Variants in EYS observed in about 807,000 individuals in gnomAD.
The protein encoded by EYS is protein eyes shut homolog.
Under a neutral mutation model 282.1 loss-of-function variants are expected in EYS, and 250 were observed. The ratio of observed to expected loss-of-function variants is 0.89; its 90% confidence interval spans 0.80 to 0.98. The LOEUF (loss-of-function observed/expected upper bound fraction) is 0.98. EYS is among the 50% of genes least tolerant of loss of function. The pLI, the probability that EYS is intolerant of heterozygous loss-of-function variation, is 0.00. For missense variants in EYS, 4,016 were observed against 3,709.0 expected, an observed-to-expected ratio of 1.08 and a Z score of -2.15; for synonymous variants, 1,355 against 1,282.9, an observed-to-expected ratio of 1.06 and a Z score of -1.20.
At chr6:64,954,704 G>T (rs941650487) in intron 14 of EYS, among the ~76,000 whole-genome samples, 2 of 152,042 alleles carry the variant, frequency 1.3e-5, no homozygotes, top group African/African-American at 4.8e-5. Context: ...AGCAACTGAG[G>T]CAGAGCAAGA....
At chr6:64,921,580 C>T (rs889291979) in intron 15 of EYS, among the ~76,000 whole-genome samples, 2 of 152,184 alleles carry the variant, frequency 1.3e-5, no homozygotes, top group African/African-American at 2.4e-5. Context: ...TTAGTCAAGC[C>T]GGAGTCCAAG....
chr6:64,154,279 A>G (rs1014948462), intron 31 of EYS, among the ~76,000 whole-genome samples: 4 of 151,996 alleles, frequency 2.6e-5, no homozygotes, highest in Non-Finnish European at 4.4e-5. Context: ...TGTCTCTACT[A>G]AAAATACAAA....
At chr6:65,375,020 G>A (rs957073689) in intron 8 of EYS, among the ~76,000 whole-genome samples, 1 of 152,114 alleles carries the variant, frequency 6.6e-6, no homozygotes. Context: ...CCAGCACAGC[G>A]CTCCAGCTCT....
chr6:64,247,675 A>G (rs142705091), intron 30 of EYS, among the ~76,000 whole-genome samples: 40 of 152,296 alleles, frequency 2.6e-4, no homozygotes, highest in African/African-American at 9.4e-4. Context: ...TGCATAATGC[A>G]TTGAGGGTGA....
At chr6:65,419,289 T>C (rs890828279) in intron 5 of EYS, among the ~76,000 whole-genome samples, 4 of 151,940 alleles carry the variant, frequency 2.6e-5, no homozygotes, top group Admixed American at 6.6e-5. Flanking sequence ...AATATTAAAA[T>C]AGAAATTTTA....
chr6:64,043,450 C>A (rs1770481075), intron 33 of EYS, among the ~76,000 whole-genome samples: 1 of 152,260 alleles, frequency 6.6e-6, no homozygotes, highest in African/African-American at 2.4e-5. Context: ...AGGACCGCTA[C>A]TTGATCACTC....
At chr6:65,317,470 C>A (rs976119206) in intron 11 of EYS, among the ~76,000 whole-genome samples, 2 of 152,068 alleles carry the variant, frequency 1.3e-5, no homozygotes, top group African/African-American at 2.4e-5. Context: ...CCTATTGTTA[C>A]GGTCTGTATA....
chr6:64,858,677 A>G (rs1301900728), intron 19 of EYS, among the ~76,000 whole-genome samples: 2 of 152,150 alleles, frequency 1.3e-5, no homozygotes, highest in Non-Finnish European at 2.9e-5. Context: ...GTATGGTTCA[A>G]TGTACACAAA....
At chr6:64,292,457 G>A (rs1768748347) in intron 30 of EYS, among the ~76,000 whole-genome samples, 1 of 152,100 alleles carries the variant, frequency 6.6e-6, no homozygotes, top group Admixed American at 6.6e-5. Context: ...AGAGCTAGGG[G>A]TTAAGGGTTT....
At chr6:64,223,637 C>A (rs1031887166) in intron 31 of EYS, among the ~76,000 whole-genome samples, 2 of 152,000 alleles carry the variant, frequency 1.3e-5, no homozygotes, top group African/African-American at 4.8e-5. Context: ...TTCTGCACCT[C>A]TAAAATGTTA....
At chr6:64,097,176 C>G (rs1348205091) in intron 31 of EYS, among the ~76,000 whole-genome samples, 1 of 152,176 alleles carries the variant, frequency 6.6e-6, no homozygotes, top group African/African-American at 2.4e-5. Flanking sequence ...GCAGGTGCCT[C>G]CCAATTAGGC....
chr6:64,480,953 T>C (rs868300229), intron 26 of EYS, among the ~76,000 whole-genome samples: 25 of 151,770 alleles, frequency 1.6e-4, no homozygotes, highest in Middle Eastern at 6.8e-3. Context: ...CAGGTATTGA[T>C]TCAAATTAAA....
At chr6:65,451,918 T>C (rs1764413825) in intron 5 of EYS, among the ~76,000 whole-genome samples, 1 of 151,924 alleles carries the variant, frequency 6.6e-6, no homozygotes, top group Non-Finnish European at 1.5e-5. Flanking sequence ...GAACAATTCA[T>C]TTAAAATAAA....
intron 5 of EYS, among the ~76,000 whole-genome samples, chr6:65,469,188 T>C (rs1162882726): frequency 1.3e-5 from 2 of 152,068 alleles, no homozygotes; most frequent in East Asian, 3.9e-4. Flanking sequence ...TTTTTCTGTT[T>C]TTATTTGCCA....
intron 15 of EYS, among the ~76,000 whole-genome samples, chr6:64,933,259 G>A (rs985321639): frequency 6.6e-6 from 1 of 151,726 alleles, no homozygotes; most frequent in African/African-American, 2.4e-5. Context: ...TCCAGAGTTG[G>A]AAATTATAAA....
At chr6:65,435,964 C>T (rs1490961135) in intron 5 of EYS, among the ~76,000 whole-genome samples, 3 of 152,156 alleles carry the variant, frequency 2.0e-5, no homozygotes, top group Non-Finnish European at 4.4e-5. Context: ...TAATCTCTAA[C>T]TTCTAGTCTC....
rs565188963 is a variant in EYS, at chr6:65,268,034, C to T, written c.2023+27829G>A. ...TGTCTTATTATGCACAGGATAATTG[C>T]TAATGTAATAGGCAATTATATTCAG... is the stretch of plus-strand genomic sequence containing the variant. On this transcript the variant is annotated intron_variant, in intron 12 of 42. Coordinates refer to ENST00000503581, the MANE Select transcript of EYS (RefSeq NM_001142800.2). Among the ~76,000 whole-genome samples, 7 of 151,806 alleles carry T rather than the reference C, an allele frequency of 4.6e-5. No individual in the cohort carries two copies. The East Asian group carries it at 1.2e-3, about 25-fold the overall frequency.
intron 31 of EYS, among the ~76,000 whole-genome samples, chr6:64,148,157 CATCTT>C (rs1774582933): frequency 6.6e-6 from 1 of 152,052 alleles, no homozygotes. Flanking sequence ...AAATGAAAAT[CATCTT>C]ATAGTCTAAA....
At chr6:64,450,466 G>T (rs1775287268) in intron 26 of EYS, among the ~76,000 whole-genome samples, 1 of 151,890 alleles carries the variant, frequency 6.6e-6, no homozygotes, top group South Asian at 2.1e-4. Context: ...GAAAGTTGAT[G>T]AGGATATCCA....
Sources: allele counts gnomAD v4.1 joint callset (sites outside exome capture counted in the v4.1 genomes callset), GRCh38; gene constraint gnomAD v4.1.1; transcripts MANE v1.5; gene names NCBI Gene and HGNC (gene_info 2026-07-23, HGNC 2026-07-21).